Variants in ADAM12 observed in about 807,000 individuals in gnomAD.
The protein encoded by ADAM12 is ADAM metallopeptidase domain 12, also known as disintegrin and metalloproteinase domain-containing protein 12.
Under a neutral mutation model 106.4 loss-of-function variants are expected in ADAM12, and 70 were observed. That is an observed-to-expected ratio of 0.66 (90% confidence interval 0.54 to 0.80). The LOEUF is 0.80. Ranked by LOEUF, ADAM12 falls within the 30% of genes least tolerant of loss-of-function variation. The pLI, the probability that ADAM12 is intolerant of heterozygous loss-of-function variation, is 0.00. For missense variants in ADAM12, 1,010 were observed against 1,171.9 expected (o/e 0.86, Z 2.02); for synonymous variants, 420 against 433.5 (o/e 0.97, Z 0.39).
chr10:126,383,754 T>A (rs1181844240), intron 1 of ADAM12, among the ~76,000 whole-genome samples: 1 of 152,126 alleles, frequency 6.6e-6, no homozygotes, highest in East Asian at 1.9e-4. Flanking sequence ...CTAAACAAAC[T>A]AGCAATCAAG....
chr10:126,240,084 C>T (rs1248620049), intron 3 of ADAM12, among the ~76,000 whole-genome samples: 1 of 152,186 alleles, frequency 6.6e-6, no homozygotes, highest in East Asian at 1.9e-4. Context: ...GTCTACACTG[C>T]CCATTGGTGC....
At chr10:126,229,459 T>C (rs1003039022) in intron 3 of ADAM12, among the ~76,000 whole-genome samples, 40 of 142,274 alleles carry the variant, frequency 2.8e-4, no homozygotes, top group African/African-American at 9.9e-4. Flanking sequence ...TAAAATTGTT[T>C]GTAGAATAAA....
chr10:126,129,433 G>A (rs1259642246), intron 5 of ADAM12, among the ~76,000 whole-genome samples: 2 of 152,302 alleles, frequency 1.3e-5, no homozygotes, highest in East Asian at 1.9e-4. Flanking sequence ...CCATTACAAA[G>A]TACAGTGGGT....
At chr10:126,155,495 C>A (rs1057400104) in intron 3 of ADAM12, among the ~76,000 whole-genome samples, 190 bp from the exon 4 acceptor site, 3 of 151,862 alleles carry the variant, frequency 2.0e-5, no homozygotes, top group Non-Finnish European at 2.9e-5. Context: ...GAGACTCAGA[C>A]AACAGAGTCA....
chr10:126,222,780 T>G (rs1046873339), intron 3 of ADAM12, among the ~76,000 whole-genome samples: 1 of 152,178 alleles, frequency 6.6e-6, no homozygotes, highest in African/African-American at 2.4e-5. Flanking sequence ...ATTTCACACT[T>G]TTATAGATCC....
intron 1 of ADAM12, among the ~76,000 whole-genome samples, chr10:126,372,140 C>G (rs1032191630): frequency 3.3e-5 from 5 of 152,176 alleles, no homozygotes; most frequent in Non-Finnish European, 5.9e-5. Context: ...TTCTCTGCCA[C>G]CCCCTCTGTC....
At chr10:126,270,953 T>C (rs1565181848) in intron 3 of ADAM12, among the ~76,000 whole-genome samples, 1 of 152,174 alleles carries the variant, frequency 6.6e-6, no homozygotes, top group Non-Finnish European at 1.5e-5. Flanking sequence ...CTGATGCCTC[T>C]CCATGTTCTG....
intron 3 of ADAM12, among the ~76,000 whole-genome samples, chr10:126,215,719 CA>C: frequency 6.6e-6 from 1 of 152,054 alleles, no homozygotes; most frequent in Non-Finnish European, 1.5e-5. Context: ...CTGAAGCCTG[CA>C]ATGAAAAATA....
intron 18 of ADAM12, chr10:126,042,283 A>G: frequency 6.2e-7 from 1 of 1,604,544 alleles, no homozygotes; most frequent in South Asian, 1.1e-5. Context: ...TGAATTGCCC[A>G]ATAAGAACTC....
intron 21 of ADAM12, among the ~76,000 whole-genome samples, chr10:126,033,485 G>T (rs1056809890): frequency 3.2e-4 from 48 of 152,216 alleles, no homozygotes; most frequent in Non-Finnish European, 8.8e-5. Context: ...GTGTTTGTGT[G>T]TGTGTGTTCT....
At chr10:126,350,021 T>G (rs1331630145) in intron 1 of ADAM12, among the ~76,000 whole-genome samples, 1 of 152,172 alleles carries the variant, frequency 6.6e-6, no homozygotes, top group Non-Finnish European at 1.5e-5. Context: ...TTCCTTCAAC[T>G]CTGTGATTGC....
chr10:126,048,309 TG>T (rs2133434152), intron 16 of ADAM12, among the ~76,000 whole-genome samples: 1 of 152,266 alleles, frequency 6.6e-6, no homozygotes. Context: ...AGACAAAATA[TG>T]ATTTGAGCCT....
chr10:126,196,587 G>A (rs969299068), intron 3 of ADAM12, among the ~76,000 whole-genome samples: 11 of 152,208 alleles, frequency 7.2e-5, no homozygotes, highest in African/African-American at 2.4e-5. Context: ...CTTCTATGTC[G>A]CTGAGTCATG....
At chr10:126,194,761 T>C (rs1342723336) in intron 3 of ADAM12, among the ~76,000 whole-genome samples, 1 of 152,226 alleles carries the variant, frequency 6.6e-6, no homozygotes, top group Non-Finnish European at 1.5e-5. Context: ...ACCCTGGTTC[T>C]GGGTCTGCAG....
At chr10:126,246,356 T>C (rs982181645) in intron 3 of ADAM12, among the ~76,000 whole-genome samples, 1 of 152,138 alleles carries the variant, frequency 6.6e-6, no homozygotes, top group African/African-American at 2.4e-5. Context: ...AAAATAGCCA[T>C]AGACAACCTA....
At chr10:126,235,232 G>T (rs1048241125) in intron 3 of ADAM12, among the ~76,000 whole-genome samples, 1 of 152,218 alleles carries the variant, frequency 6.6e-6, no homozygotes, top group Non-Finnish European at 1.5e-5. Flanking sequence ...CCCAGGGAGG[G>T]ACCTGGCCTG....
Position 126,163,969 on chromosome 10 carries a change from TAC to T in ADAM12, c.261-8666_261-8665del, listed in dbSNP as rs769377489. On this transcript the variant is annotated intron_variant, in intron 3 of 22. Transcript: ENST00000448723. ...TAAAAGAAATATGCTTCAAATTGCT[TAC>T]ACTGATCATACAGGGGGTATGGGGT... 3.3e-5 allele frequency among the ~76,000 whole-genome samples: 5 copies of T among 152,344 alleles called. No individual in the cohort carries two copies. In the East Asian group the frequency reaches 9.6e-4, roughly 29 times the overall value.
chr10:126,029,180 AGT>A (rs1413213255), intron 21 of ADAM12, among the ~76,000 whole-genome samples: 3 of 152,240 alleles, frequency 2.0e-5, no homozygotes, highest in Non-Finnish European at 4.4e-5. Context: ...TGTGGAAGAC[AGT>A]GTGATGATTC....
intron 21 of ADAM12, among the ~76,000 whole-genome samples, chr10:126,029,333 T>A (rs1218375290): frequency 6.6e-6 from 1 of 152,128 alleles, no homozygotes; most frequent in Non-Finnish European, 1.5e-5. Context: ...AGACATGGAA[T>A]CAACCTAAGT....
Sources: gnomAD v4.1 joint callset for allele counts (sites outside exome capture counted in the v4.1 genomes callset) on GRCh38, gnomAD v4.1.1 for gene constraint, MANE v1.5 for transcripts, NCBI Gene and HGNC (gene_info 2026-07-23, HGNC 2026-07-21) for gene names.